CKLF: variants seen among roughly 807,000 people sequenced by gnomAD.
The protein encoded by CKLF is chemokine-like factor.
In CKLF, 16 loss-of-function variants were observed where a neutral mutation model predicts 12.9. That is an observed-to-expected ratio of 1.24 (90% CI 0.84 to 1.88). The LOEUF (loss-of-function observed/expected upper bound fraction) is 1.88. Ranked by LOEUF, CKLF falls within the 40% of genes most tolerant of loss-of-function variation. The probability of loss-of-function intolerance (pLI) is 0.00; values close to 1 mark genes in which losing one functional copy is unlikely to be tolerated. For synonymous variants in CKLF, 61 were observed against 69.0 expected (o/e 0.88, Z 0.57); for missense variants, 172 against 188.5 (o/e 0.91, Z 0.51).
rs373260057 is a variant in CKLF, at chr16:66,565,080, A to T, written c.334-806A>T. On this transcript the variant is annotated intron_variant, in intron 3 of 3. Transcript: ENST00000264001. ...AGGAGCCAATAGTGTACAGAGTGCC[A>T]GTCATGAAAAGATTGGTAGGAGGTA... Among the ~76,000 whole-genome samples, 46 of 152,332 alleles carry T rather than the reference A, an allele frequency of 3.0e-4. No homozygotes were observed. In the South Asian group the frequency reaches 4.3e-3, roughly 14 times the overall value.
At chr16:66,558,532 C>A in intron 2 of CKLF, 184 bp downstream of exon 2, 2 of 733,758 alleles carry the variant, frequency 2.7e-6, no homozygotes, top group Non-Finnish European at 4.1e-6. Context: ...GGATGCAGGG[C>A]AGCCACAGAG....
chr16:66,553,789 A>G (rs2011292461), intron 1 of CKLF, among the ~76,000 whole-genome samples: 1 of 152,234 alleles, frequency 6.6e-6, no homozygotes. Flanking sequence ...AGTACCAGGC[A>G]TATGTGAGCA....
At chr16:66,556,412 A>T (rs1278841251) in intron 1 of CKLF, among the ~76,000 whole-genome samples, 2 of 152,242 alleles carry the variant, frequency 1.3e-5, no homozygotes, top group African/African-American at 2.4e-5. Context: ...CTGAAATATT[A>T]TTAGTGAGAT....
intron 2 of CKLF, among the ~76,000 whole-genome samples, chr16:66,560,926 G>A (rs1261492819): frequency 1.3e-5 from 2 of 151,982 alleles, no homozygotes; most frequent in Non-Finnish European, 2.9e-5. Context: ...GGACTGAGCA[G>A]GCAAGGAAAG....
intron 3 of CKLF, among the ~76,000 whole-genome samples, chr16:66,565,187 G>C (rs1354092492): frequency 1.3e-5 from 2 of 152,110 alleles, no homozygotes; most frequent in Non-Finnish European, 2.9e-5. Context: ...TCTGGAGCCA[G>C]GAAGCCAAAC....
chr16:66,557,383 G>A (rs1251486648), intron 1 of CKLF, among the ~76,000 whole-genome samples: 1 of 152,136 alleles, frequency 6.6e-6, no homozygotes, highest in Non-Finnish European at 1.5e-5. Context: ...GGCCAGGCTG[G>A]TCTCAAACTC....
chr16:66,562,691 T>C (rs961157151), intron 2 of CKLF, among the ~76,000 whole-genome samples: 4 of 152,226 alleles, frequency 2.6e-5, no homozygotes, highest in Admixed American at 6.5e-5. Flanking sequence ...TAAATTTGTT[T>C]AATAAAATGA....
rs1965848338 is a variant in CKLF at position 66,552,635 on chromosome 16, T to G, written c.-81T>G. 2 of 1,604,354 alleles carry G rather than the reference T, an allele frequency of 1.2e-6. No homozygotes were observed. The highest frequency in any genetic ancestry group is 1.7e-4 in the Middle Eastern group (1 of 5,992). On this transcript the variant is annotated 5_prime_UTR_variant, in exon 1 of 4. Coordinates refer to ENST00000264001, the MANE Select transcript of CKLF (RefSeq NM_016951.4). ...GGCGGTGCTCCGCCGCGGTGGCGGTTGCTATCGCTTCGCAGAACCTACTCA... is the reference window on the plus strand; with the variant it reads ...GGCGGTGCTCCGCCGCGGTGGCGGTGGCTATCGCTTCGCAGAACCTACTCA...
chr16:66,554,666 G>A (rs1204372708), intron 1 of CKLF, among the ~76,000 whole-genome samples: 1 of 152,248 alleles, frequency 6.6e-6, no homozygotes, highest in African/African-American at 2.4e-5. Context: ...AGTGTAAGGC[G>A]GGGAAGGAGT....
At chr16:66,555,745 C>G (rs1413504713) in intron 1 of CKLF, among the ~76,000 whole-genome samples, 1 of 152,158 alleles carries the variant, frequency 6.6e-6, no homozygotes, top group African/African-American at 2.4e-5. Flanking sequence ...AATGCGTAAA[C>G]AAATTTGCAT....
At position 66,558,176 on chromosome 16, in the gene CKLF, T is replaced by G. The variant is rs751850810; in HGVS notation, c.79-14T>G. 24 of 1,603,344 alleles carry G rather than the reference T, an allele frequency of 1.5e-5. No individual in the cohort carries two copies. Among genetic ancestry groups the G allele is most frequent in the Middle Eastern group, 3.3e-4 (2 of 6,044 alleles). ...CAGTTGTCACTGAATAAATCGTGGG[T>G]TTTTTTCTTCTAGGCACTAACTGTG... On this transcript the variant is annotated splice_polypyrimidine_tract_variant and intron_variant, in intron 1 of 3. Transcript: ENST00000264001.
chr16:66,554,699 A>C (rs1248739627), intron 1 of CKLF, among the ~76,000 whole-genome samples: 1 of 152,212 alleles, frequency 6.6e-6, no homozygotes, highest in Non-Finnish European at 1.5e-5. Context: ...TTGCGTAATG[A>C]ATAGAATTCT....
chr16:66,560,113 G>A (rs1379207408), intron 2 of CKLF, among the ~76,000 whole-genome samples: 1 of 152,184 alleles, frequency 6.6e-6, no homozygotes, highest in East Asian at 1.9e-4. Context: ...AGGGCTGAAG[G>A]ATGAAACGTA....
In CKLF at chr16:66,552,623, C is replaced by A; in HGVS notation, c.-93C>A. The A allele has an allele frequency of 1.3e-6, 2 of 1,591,858 alleles. No individual in the cohort carries two copies. The highest frequency in any genetic ancestry group is 1.7e-6 in the Non-Finnish European group (2 of 1,162,570). ...GAAGTAGGGGAGGGCGGTGCTCCGC[C>A]GCGGTGGCGGTTGCTATCGCTTCGC... On this transcript the variant is annotated 5_prime_UTR_variant, in exon 1 of 4. Coordinates refer to ENST00000264001, the MANE Select transcript of CKLF (RefSeq NM_016951.4).
chr16:66,557,851 T>C (rs1341246208), intron 1 of CKLF, among the ~76,000 whole-genome samples: 1 of 152,118 alleles, frequency 6.6e-6, no homozygotes, highest in Non-Finnish European at 1.5e-5. Context: ...AGAGGAATAA[T>C]TAATTGGACT....
At chr16:66,556,114 G>A (rs1314227243) in intron 1 of CKLF, among the ~76,000 whole-genome samples, 1 of 152,148 alleles carries the variant, frequency 6.6e-6, no homozygotes, top group Admixed American at 6.5e-5. Context: ...GAATGAGAAT[G>A]ACAGCATTTT....
rs762716514 is a variant in CKLF at position 66,563,196 on chromosome 16, A to G, written c.312A>G (p.Thr104=). Reference sequence around the variant, plus strand: ...TGTTGGCACTGATACCAGAAACCACAACATTGACAGTTGGTGGAGGGGTAA... The same window carrying G: ...TGTTGGCACTGATACCAGAAACCACGACATTGACAGTTGGTGGAGGGGTAA... The part of the protein sequence containing the change: ...VSVLALIPET[T]TLTVGGGVFA... The change falls in exon 3 of 4, where the codon ACA becomes ACG. Residue 104 remains threonine (T), a synonymous_variant. Transcript: ENST00000264001. The G allele has an allele frequency of 6.2e-7, 1 of 1,614,148 alleles. No homozygotes were observed. Among genetic ancestry groups the G allele is most frequent in the Non-Finnish European group, 8.5e-7 (1 of 1,180,036 alleles).
chr16:66,563,759 T>C (rs927780796), intron 3 of CKLF, among the ~76,000 whole-genome samples: 2 of 152,208 alleles, frequency 1.3e-5, no homozygotes, highest in African/African-American at 4.8e-5. Context: ...GAGAAGCAGA[T>C]CAATTCCATC....
intron 2 of CKLF, among the ~76,000 whole-genome samples, chr16:66,560,288 T>C (rs1218442320): frequency 6.6e-6 from 1 of 151,906 alleles, no homozygotes; most frequent in East Asian, 1.9e-4. Context: ...AAGAGTGAGG[T>C]TTGTGAAAAC....
Sources: allele counts gnomAD v4.1 joint callset (sites outside exome capture counted in the v4.1 genomes callset), GRCh38; gene constraint gnomAD v4.1.1; transcripts MANE v1.5; gene names NCBI Gene and HGNC (gene_info 2026-07-23, HGNC 2026-07-21).